ZFPM2: variants seen among roughly 807,000 people sequenced by gnomAD.
ZFPM2 encodes zinc finger protein, FOG family member 2, also known as zinc finger protein ZFPM2.
Under a neutral mutation model 98.6 loss-of-function variants are expected in ZFPM2, and 20 were observed. The ratio of observed to expected loss-of-function variants is 0.20; its 90% confidence interval spans 0.14 to 0.29. The LOEUF (loss-of-function observed/expected upper bound fraction) is 0.29. Among genes scored for constraint, ZFPM2 ranks in the 10% least tolerant of loss-of-function variants. The probability of loss-of-function intolerance (pLI) is 1.00; values close to 1 mark genes in which losing one functional copy is unlikely to be tolerated. For synonymous variants in ZFPM2, 518 were observed against 502.7 expected (o/e 1.03, Z -0.41); for missense variants, 1,310 against 1,388.6 (o/e 0.94, Z 0.90).
Position 105,802,704 on chromosome 8 carries a change from G to C in ZFPM2, c.2622G>C (p.Gln874His). 1 of 1,612,368 alleles carries C rather than the reference G, an allele frequency of 6.2e-7. No homozygotes were observed. Among genetic ancestry groups the C allele is most frequent in the East Asian group, 2.2e-5 (1 of 44,774 alleles). Reference sequence around the variant, plus strand: ...TAGAAAACTATCTGGCCCACAAGCAGAATTTCTGCCCGGTTACTGCACATC... The same window carrying C: ...TAGAAAACTATCTGGCCCACAAGCACAATTTCTGCCCGGTTACTGCACATC... ...NKVENYLAHK[Q>H]NFCPVTAHQR... The change falls in exon 8 of 8, where the codon CAG becomes CAC. Residue 874 changes from glutamine (Q) to histidine (H), a missense_variant. Transcript: ENST00000407775.
chr8:105,603,915 G>A (rs1452927952), intron 4 of ZFPM2, among the ~76,000 whole-genome samples: 3 of 151,856 alleles, frequency 2.0e-5, no homozygotes, highest in Non-Finnish European at 4.4e-5. Context: ...TGTTTTCTTG[G>A]CCAAGAAACT....
chr8:105,499,303 G>A (rs72673712), intron 3 of ZFPM2, among the ~76,000 whole-genome samples: 16,290 of 150,198 alleles, frequency 0.11, 944 homozygotes, highest in East Asian at 0.2. Flanking sequence ...ATGACTGATA[G>A]TCACATTCTA....
At chr8:105,711,554 A>G (rs1811398948) in intron 5 of ZFPM2, among the ~76,000 whole-genome samples, 1 of 152,086 alleles carries the variant, frequency 6.6e-6, no homozygotes, top group Non-Finnish European at 1.5e-5. Flanking sequence ...TGAACTTGTT[A>G]CTAATTTATA....
intron 4 of ZFPM2, among the ~76,000 whole-genome samples, chr8:105,621,761 A>G (rs1046731195): frequency 6.6e-6 from 1 of 152,190 alleles, no homozygotes; most frequent in Non-Finnish European, 1.5e-5. Flanking sequence ...ATCCTTGAGT[A>G]TTCTACATAG....
At chr8:105,517,700 ACACACAC>A (rs1466407786) in intron 3 of ZFPM2, among the ~76,000 whole-genome samples, 3 of 50,682 alleles carry the variant, frequency 5.9e-5, no homozygotes, top group Non-Finnish European at 9.6e-5. Context: ...CACCACACAC[ACACACAC>A]CACACACACA....
intron 5 of ZFPM2, among the ~76,000 whole-genome samples, chr8:105,675,515 G>A (rs1434438377): frequency 6.6e-6 from 1 of 152,114 alleles, no homozygotes; most frequent in African/African-American, 2.4e-5. Flanking sequence ...TCCTTGAGAT[G>A]GCCTGAACAA....
chr8:105,734,343 A>G (rs1812018980), intron 5 of ZFPM2, among the ~76,000 whole-genome samples: 1 of 151,948 alleles, frequency 6.6e-6, no homozygotes, highest in South Asian at 2.1e-4. Flanking sequence ...TAAGCAAAGA[A>G]TACTATAAAT....
intron 6 of ZFPM2, among the ~76,000 whole-genome samples, chr8:105,794,932 G>A (rs1456968396): frequency 6.6e-6 from 1 of 152,186 alleles, no homozygotes; most frequent in Non-Finnish European, 1.5e-5. Context: ...AAGCCTGTCG[G>A]AAAATCGCAG....
chr8:105,424,213 A>T (rs1442907902), intron 2 of ZFPM2, among the ~76,000 whole-genome samples: 1 of 152,212 alleles, frequency 6.6e-6, no homozygotes, highest in Admixed American at 6.5e-5. Flanking sequence ...ATCTACAATG[A>T]TTATCTAGAA....
At chr8:105,667,507 C>T (rs1817512073) in intron 5 of ZFPM2, among the ~76,000 whole-genome samples, 1 of 152,172 alleles carries the variant, frequency 6.6e-6, no homozygotes, top group Non-Finnish European at 1.5e-5. Context: ...TGTCAGATTG[C>T]ACACTGCAAT....
At chr8:105,420,753 T>C (rs749236761) in intron 2 of ZFPM2, among the ~76,000 whole-genome samples, 14 of 152,010 alleles carry the variant, frequency 9.2e-5, no homozygotes, top group Non-Finnish European at 2.1e-4. Flanking sequence ...GACATCTCAA[T>C]TTTTTTTCTT....
In ZFPM2 at chr8:105,712,078, A is replaced by G. The variant is rs550130690; in HGVS notation, c.533-76640A>G. ...GTAACTGGGTTAATTTAGTTAGTAC[A>G]GAGGCTGTTAGTGCAGGATTGTTAA... On this transcript the variant is annotated intron_variant, in intron 5 of 7. Coordinates refer to ENST00000407775, the MANE Select transcript of ZFPM2 (RefSeq NM_012082.4). Among the ~76,000 whole-genome samples, 6 of 152,192 alleles carry G rather than the reference A, an allele frequency of 3.9e-5. No individual in the cohort carries two copies. In the South Asian group the frequency reaches 1.2e-3, roughly 32 times the overall value.
At position 105,318,965 on chromosome 8, in the gene ZFPM2, AC is replaced by A; in HGVS notation, c.28del (p.Arg10GlyfsTer46). 1 of 1,481,510 alleles carries A rather than the reference AC, an allele frequency of 6.7e-7. No homozygotes were observed. The highest frequency in any genetic ancestry group is 9.0e-7 in the Non-Finnish European group (1 of 1,107,752). 91.8% of individuals were successfully genotyped at this position (1,481,510 alleles called of 1,614,324 possible). Reference sequence around the variant, plus strand: ...AGATGTCCCGGCGAAAGCAAAGCAAACCCCGGCAGATCAAACGTAAGTTTGC... The same window carrying A: ...AGATGTCCCGGCGAAAGCAAAGCAAACCCGGCAGATCAAACGTAAGTTTGC... MSRRKQSKPRQIKRPLEDA... is the reference protein window; with the variant it reads MSRRKQSKXRQIKRPLEDA... On this transcript the variant is annotated frameshift_variant, in exon 1 of 8. Transcript: ENST00000407775. LOFTEE classifies it high-confidence loss of function.
intron 1 of ZFPM2, among the ~76,000 whole-genome samples, chr8:105,390,123 T>C (rs1371681999): frequency 6.6e-6 from 1 of 152,182 alleles, no homozygotes; most frequent in African/African-American, 2.4e-5. Context: ...ACCTATAGTT[T>C]GTGCAGACTC....
intron 3 of ZFPM2, among the ~76,000 whole-genome samples, chr8:105,446,024 G>A (rs540975601): frequency 2.3e-3 from 344 of 151,808 alleles, no homozygotes; most frequent in Non-Finnish European, 3.0e-3. Flanking sequence ...AAGTTAAAGC[G>A]ATTCTCCTGC....
At chr8:105,540,464 C>G (rs890985198) in intron 3 of ZFPM2, among the ~76,000 whole-genome samples, 1 of 151,932 alleles carries the variant, frequency 6.6e-6, no homozygotes, top group Admixed American at 6.6e-5. Flanking sequence ...ATAGTAGGCA[C>G]TACAAAATGT....
In ZFPM2 at chr8:105,654,685, C is replaced by A. The variant is rs572434591; in HGVS notation, c.532+20328C>A. Among the ~76,000 whole-genome samples, 27 of 152,002 alleles carry A rather than the reference C, an allele frequency of 1.8e-4. No homozygotes were observed. In the South Asian group the frequency reaches 3.5e-3, roughly 20 times the overall value. On this transcript the variant is annotated intron_variant, in intron 5 of 7. Transcript: ENST00000407775. The stretch of plus-strand genomic sequence containing the variant: ...TGTGACCTAGAAGCCTAAAATCAAA[C>A]CTTGGTCATTCTATTCAAGCAGCTC...
At chr8:105,364,806 G>A (rs890000492) in intron 1 of ZFPM2, among the ~76,000 whole-genome samples, 4 of 152,068 alleles carry the variant, frequency 2.6e-5, no homozygotes, top group East Asian at 1.9e-4. Flanking sequence ...CAACCAGCTC[G>A]AACGGACAAT....
Position 105,514,325 on chromosome 8 carries a change from TTTTTTTTTTTTA to T in ZFPM2, c.302-47037_302-47026del, listed in dbSNP as rs1240104109. Among the ~76,000 whole-genome samples, 21 of 65,146 alleles carry T rather than the reference TTTTTTTTTTTTA, an allele frequency of 3.2e-4. 1 individual carries two copies. The highest frequency in any genetic ancestry group is 1.0e-3 in the African/African-American group (21 of 20,268). 42.7% of individuals were successfully genotyped at this position (65,146 alleles called of 152,430 possible). On this transcript the variant is annotated intron_variant, in intron 3 of 7. Coordinates refer to ENST00000407775, the MANE Select transcript of ZFPM2 (RefSeq NM_012082.4). The stretch of plus-strand genomic sequence containing the variant: ...GTCGTGTCTTTTTTTTTTTTTTTTT[TTTTTTTTTTTTA>T]AATAAGGGAGCCAGATAGGCCTTAA...
Sources: allele counts gnomAD v4.1 joint callset (sites outside exome capture counted in the v4.1 genomes callset), GRCh38; gene constraint gnomAD v4.1.1; transcripts MANE v1.5; gene names NCBI Gene and HGNC (gene_info 2026-07-23, HGNC 2026-07-21).